Variants in DIXDC1 observed in about 807,000 individuals in gnomAD.
DIXDC1 encodes dixin.
DIXDC1 carries 64 observed loss-of-function variants against 103.1 expected under a neutral mutation model. The ratio of observed to expected loss-of-function variants is 0.62; its 90% CI spans 0.51 to 0.76. The LOEUF is 0.76. Ranked by LOEUF, DIXDC1 falls within the 30% of genes least tolerant of loss-of-function variation. The probability of loss-of-function intolerance (pLI) is 0.00; values close to 1 mark genes in which losing one functional copy is unlikely to be tolerated. For synonymous variants in DIXDC1, 266 were observed against 298.5 expected (o/e 0.89, Z 1.12); for missense variants, 759 against 834.2 (o/e 0.91, Z 1.11).
upstream of DIXDC1, chr11:111,937,138 G>C (rs1392864264): frequency 5.4e-6 from 4 of 743,402 alleles, 1 homozygote; most frequent in African/African-American, 7.8e-5. Context: ...GGGCGGGGGG[G>C]GGGTGTGCGC....
chr11:111,929,300 C>T (rs1456702746), intron 1 of DIXDC1, among the ~76,000 whole-genome samples: 1 of 152,208 alleles, frequency 6.6e-6, no homozygotes, highest in African/African-American at 2.4e-5. Context: ...CTTCAGAATA[C>T]TTCCTGTGGT....
intron 17 of DIXDC1, among the ~76,000 whole-genome samples, chr11:112,002,610 G>C: frequency 6.6e-6 from 1 of 152,256 alleles, no homozygotes; most frequent in Non-Finnish European, 1.5e-5. Context: ...GGGCAACAGA[G>C]CAAGACCTTG....
intron 17 of DIXDC1, among the ~76,000 whole-genome samples, chr11:112,011,756 G>A (rs1861427935): frequency 6.7e-6 from 1 of 149,810 alleles, no homozygotes; most frequent in East Asian, 2.0e-4. Flanking sequence ...TGAACAATGA[G>A]AACACATGGA....
rs781820037 is a variant in DIXDC1 at position 111,995,117 on chromosome 11, C to T, written c.1527+9C>T. The T allele has an allele frequency of 6.2e-7, 1 of 1,612,644 alleles. No individual in the cohort carries two copies. The highest frequency in any genetic ancestry group is 8.5e-7 in the Non-Finnish European group (1 of 1,179,634). On this transcript the variant is annotated intron_variant, in intron 15 of 19. Transcript: ENST00000440460. ...CAGTCAGCAACAGAGGGGTACGTAC[C>T]TGGAGTTTTGATGGAGTCCTGCCAC... is the stretch of plus-strand genomic sequence containing the variant.
Position 111,992,426 on chromosome 11 carries a change from G to A in DIXDC1, c.1125G>A (p.Gln375=), listed in dbSNP as rs1278845901. ...GCTTTTTCCCCTAGGATGCCTTGCA[G>A]CAGAGATTGACTCAGCAGGACACAT... is the stretch of plus-strand genomic sequence containing the variant. The part of the protein sequence containing the change: ...RNLQGIKDAL[Q]QRLTQQDTSV... The change falls in exon 11 of 20, where the codon CAG becomes CAA. Residue 375 remains glutamine (Q), a synonymous_variant. Coordinates refer to ENST00000440460, the MANE Select transcript of DIXDC1 (RefSeq NM_001037954.4). 1 of 1,578,904 alleles carries A rather than the reference G, an allele frequency of 6.3e-7. No individual in the cohort carries two copies. Among genetic ancestry groups the A allele is most frequent in the East Asian group, 2.3e-5 (1 of 43,394 alleles).
intron 17 of DIXDC1, among the ~76,000 whole-genome samples, chr11:112,012,988 G>C (rs1861469958): frequency 6.6e-6 from 1 of 152,168 alleles, no homozygotes; most frequent in Non-Finnish European, 1.5e-5. Context: ...GTATTAGTCA[G>C]CTTGGGCTGC....
At chr11:112,000,567 C>T (rs746275187) in intron 17 of DIXDC1, among the ~76,000 whole-genome samples, 8 of 151,614 alleles carry the variant, frequency 5.3e-5, no homozygotes, top group East Asian at 2.0e-4. Flanking sequence ...CGTGGTGGTA[C>T]GCACCTGTAG....
intron 17 of DIXDC1, among the ~76,000 whole-genome samples, chr11:112,004,239 A>T (rs1314974676): frequency 6.6e-6 from 1 of 152,086 alleles, no homozygotes; most frequent in Non-Finnish European, 1.5e-5. Context: ...CTGTGGGGAT[A>T]GAGTCTAAAG....
At chr11:111,942,401 A>G (rs1966450566) in intron 1 of DIXDC1, among the ~76,000 whole-genome samples, 1 of 152,208 alleles carries the variant, frequency 6.6e-6, no homozygotes, top group Admixed American at 6.5e-5. Context: ...CAAAGGCTAA[A>G]ACTGACACTT....
Position 111,985,671 on chromosome 11 carries a change from CAT to C in DIXDC1, c.1008+351_1008+352del, listed in dbSNP as rs1860465215. Among the ~76,000 whole-genome samples the C allele has an allele frequency of 2.6e-5, 4 of 152,062 alleles. 1 individual carries two copies. Among genetic ancestry groups the C allele is most frequent in the Admixed American group, 2.6e-4 (4 of 15,278 alleles). ...TCCTCAGCATTCCAGTCTAGGCCCTCATGTGTCTTAAACATTAACCTGGGCGG... is the reference window on the plus strand; with the variant it reads ...TCCTCAGCATTCCAGTCTAGGCCCTCGTGTCTTAAACATTAACCTGGGCGG... On this transcript the variant is annotated intron_variant, in intron 8 of 19. Transcript: ENST00000440460.
intron 10 of DIXDC1, 97 bp from the exon 11 acceptor site, chr11:111,992,318 G>A (rs996082307): frequency 8.1e-6 from 9 of 1,115,782 alleles, no homozygotes; most frequent in Admixed American, 4.5e-5. Context: ...CTGCCATAAC[G>A]AATGCTGGAA....
At chr11:112,015,799 C>CTTTTTTTT (rs782121271) in intron 17 of DIXDC1, among the ~76,000 whole-genome samples, 1 of 47,034 alleles carries the variant, frequency 2.1e-5, no homozygotes, top group Admixed American at 3.8e-4. Flanking sequence ...GAGACCCTGT[C>CTTTTTTTT]TTTTTTTTTT....
intron 4 of DIXDC1, 39 bp downstream of exon 4, chr11:111,974,293 C>T: frequency 6.4e-7 from 1 of 1,556,692 alleles, no homozygotes; most frequent in African/African-American, 1.4e-5. Flanking sequence ...TGATCCCTCT[C>T]TCTGATACTT....
At chr11:112,003,011 T>C (rs1415991535) in intron 17 of DIXDC1, among the ~76,000 whole-genome samples, 1 of 152,214 alleles carries the variant, frequency 6.6e-6, no homozygotes, top group African/African-American at 2.4e-5. Flanking sequence ...CCACATGTTC[T>C]CTACCAGTAT....
intron 1 of DIXDC1, among the ~76,000 whole-genome samples, chr11:111,948,675 A>G (rs1966678047): frequency 6.7e-6 from 1 of 150,276 alleles, no homozygotes; most frequent in South Asian, 2.2e-4. Context: ...GGTCTGCCGC[A>G]AGTCTCTGAC....
At chr11:112,016,927 A>C (rs1413571353) in intron 18 of DIXDC1, 131 bp downstream of exon 18, 3 of 706,726 alleles carry the variant, frequency 4.2e-6, no homozygotes, top group Admixed American at 3.2e-5. Flanking sequence ...ATAGTGAGAT[A>C]AGCCAGAGAG....
At chr11:111,967,480 C>G (rs1859776209) in intron 2 of DIXDC1, among the ~76,000 whole-genome samples, 1 of 152,228 alleles carries the variant, frequency 6.6e-6, no homozygotes, top group Non-Finnish European at 1.5e-5. Flanking sequence ...CATCAGTCAG[C>G]CTCTTCCACT....
chr11:111,938,124 C>G (rs587707633), intron 1 of DIXDC1, among the ~76,000 whole-genome samples: 1 of 152,260 alleles, frequency 6.6e-6, no homozygotes, highest in African/African-American at 2.4e-5. Context: ...CGAGAGGGGA[C>G]CTGGGTCCTG....
At chr11:111,939,637 A>G (rs1966351720) in intron 1 of DIXDC1, among the ~76,000 whole-genome samples, 1 of 152,210 alleles carries the variant, frequency 6.6e-6, no homozygotes, top group Non-Finnish European at 1.5e-5. Flanking sequence ...TGACAGTAAT[A>G]TGTTAAATTT....
Sources: allele counts gnomAD v4.1 joint callset (sites outside exome capture counted in the v4.1 genomes callset), GRCh38; gene constraint gnomAD v4.1.1; transcripts MANE v1.5; gene names NCBI Gene and HGNC (gene_info 2026-07-23, HGNC 2026-07-21).